CNTN4: variants seen among roughly 807,000 people sequenced by gnomAD.
CNTN4 encodes contactin 4.
CNTN4 carries 77 observed loss-of-function variants against 122.5 expected under a neutral mutation model. The ratio of observed to expected loss-of-function variants is 0.63; its 90% CI spans 0.52 to 0.76. The LOEUF is 0.76. Ranked by LOEUF, CNTN4 falls within the 30% of genes least tolerant of loss-of-function variation. The pLI is 0.00. For missense variants in CNTN4, 1,256 were observed against 1,259.1 expected (o/e 1.00, Z 0.04); for synonymous variants, 512 against 447.0 (o/e 1.15, Z -1.83).
intron 6 of CNTN4, among the ~76,000 whole-genome samples, chr3:2,779,905 T>C (rs1445398869): frequency 1.3e-5 from 2 of 152,268 alleles, no homozygotes; most frequent in African/African-American, 4.8e-5. Flanking sequence ...ATTAGTACAC[T>C]ATTGACTCTC....
intron 7 of CNTN4, among the ~76,000 whole-genome samples, chr3:2,840,684 G>A (rs1180590026): frequency 6.7e-6 from 1 of 149,844 alleles, no homozygotes; most frequent in Admixed American, 6.7e-5. Flanking sequence ...GGGCGACAGA[G>A]CGACACTCCG....
In CNTN4 at chr3:3,037,237, G is replaced by C. The variant is rs1458022026; in HGVS notation, c.2001G>C (p.Trp667Cys). Residue 667 changes from tryptophan to cysteine, a missense_variant, in exon 18 of 25, where the codon TGG becomes TGC. By Grantham distance (215) the Trp-to-Cys change is radical (BLOSUM62 -2). Coordinates refer to ENST00000418658, the MANE Select transcript of CNTN4 (RefSeq NM_175607.3). ...FTATVVGLNP[W>C]VEYEFRTVAA... ...CGACCGTGGTGGGTTTGAACCCTTGGGTTGAATATGAATTCCGCACAGTTG... is the reference window on the plus strand; with the variant it reads ...CGACCGTGGTGGGTTTGAACCCTTGCGTTGAATATGAATTCCGCACAGTTG... 5.0e-6 allele frequency: 8 copies of C among 1,614,042 alleles called. No homozygotes were observed. The highest frequency in any genetic ancestry group is 6.8e-6 in the Non-Finnish European group (8 of 1,180,038).
chr3:2,487,237 C>T (rs1053820146), intron 3 of CNTN4, among the ~76,000 whole-genome samples: 14 of 152,246 alleles, frequency 9.2e-5, no homozygotes, highest in Non-Finnish European at 1.8e-4. Flanking sequence ...TCATTTCTGA[C>T]CTTGATTCTT....
At chr3:2,370,007 T>C (rs1405880038) in intron 3 of CNTN4, among the ~76,000 whole-genome samples, 1 of 152,168 alleles carries the variant, frequency 6.6e-6, no homozygotes, top group Non-Finnish European at 1.5e-5. Context: ...CTGAACTCAT[T>C]GATAGTGCCG....
At chr3:2,352,620 C>T (rs1273757266) in intron 3 of CNTN4, among the ~76,000 whole-genome samples, 1 of 152,154 alleles carries the variant, frequency 6.6e-6, no homozygotes, top group Non-Finnish European at 1.5e-5. Context: ...CCTCTGCTGC[C>T]TCCCCTTGGT....
chr3:2,528,562 A>G (rs2077482728), intron 3 of CNTN4, among the ~76,000 whole-genome samples: 2 of 152,162 alleles, frequency 1.3e-5, no homozygotes, highest in South Asian at 2.1e-4. Flanking sequence ...AGATTGTACT[A>G]CTTTACTGAC....
chr3:3,020,327 C>CAGTT (rs1698174957), intron 14 of CNTN4, among the ~76,000 whole-genome samples: 1 of 152,136 alleles, frequency 6.6e-6, no homozygotes, highest in African/African-American at 2.4e-5. Flanking sequence ...GAAAGCTGAT[C>CAGTT]AGTTACAGGG....
chr3:2,134,114 C>A (rs66874548), intron 2 of CNTN4, among the ~76,000 whole-genome samples: 1 of 152,132 alleles, frequency 6.6e-6, no homozygotes, highest in African/African-American at 2.4e-5. Context: ...AATGTACCGA[C>A]CTCCATTAAG....
At chr3:2,232,350 T>G (rs2039518567) in intron 2 of CNTN4, among the ~76,000 whole-genome samples, 1 of 152,208 alleles carries the variant, frequency 6.6e-6, no homozygotes, top group Non-Finnish European at 1.5e-5. Context: ...GCTGCAAAGC[T>G]TAAGATCTTT....
chr3:2,133,759 A>G lies in CNTN4; in HGVS notation c.-145+33120A>G, dbSNP rs528618108. On this transcript the variant is annotated intron_variant, in intron 2 of 24. Coordinates refer to ENST00000418658, the MANE Select transcript of CNTN4 (RefSeq NM_175607.3). ...CTTGCAACTTGAATTGTTGTTAGGA[A>G]ATTACTTGTATGCCTGAGTTCATGA... Among the ~76,000 whole-genome samples the G allele has an allele frequency of 4.7e-5, 7 of 147,568 alleles. No individual in the cohort carries two copies. In the East Asian group the frequency reaches 6.2e-4, roughly 13 times the overall value.
chr3:2,352,701 C>T (rs2044684427), intron 3 of CNTN4, among the ~76,000 whole-genome samples: 1 of 152,214 alleles, frequency 6.6e-6, no homozygotes, highest in South Asian at 2.1e-4. Context: ...GCTGGAGCCT[C>T]TCCGACAGGT....
At chr3:2,302,939 G>A (rs1463857691) in intron 2 of CNTN4, among the ~76,000 whole-genome samples, 1 of 152,174 alleles carries the variant, frequency 6.6e-6, no homozygotes, top group African/African-American at 2.4e-5. Flanking sequence ...GATTCAATAT[G>A]TTTTGTATAA....
At chr3:2,948,883 C>A (rs533540538) in intron 13 of CNTN4, among the ~76,000 whole-genome samples, 3 of 152,192 alleles carry the variant, frequency 2.0e-5, no homozygotes, top group South Asian at 4.2e-4. Context: ...ATGTATTAGA[C>A]CATTTTTAAA....
At chr3:2,324,046 G>T (rs940996838) in intron 2 of CNTN4, among the ~76,000 whole-genome samples, 5 of 152,138 alleles carry the variant, frequency 3.3e-5, no homozygotes, top group African/African-American at 4.8e-5. Flanking sequence ...TTCATTATAG[G>T]ATATTTATCA....
At chr3:2,726,624 A>G (rs1181367943) in intron 4 of CNTN4, among the ~76,000 whole-genome samples, 1 of 152,182 alleles carries the variant, frequency 6.6e-6, no homozygotes, top group Non-Finnish European at 1.5e-5. Context: ...AATTTTATAC[A>G]TGTATGTTTC....
intron 2 of CNTN4, among the ~76,000 whole-genome samples, chr3:2,223,601 A>C (rs1471436401): frequency 6.6e-6 from 1 of 152,200 alleles, no homozygotes; most frequent in Non-Finnish European, 1.5e-5. Flanking sequence ...CTATTCTTAC[A>C]GAGGCCTGCT....
chr3:3,054,023 T>G, intron 24 of CNTN4, 48 bp downstream of exon 24: 1 of 1,595,804 alleles, frequency 6.3e-7, no homozygotes, highest in South Asian at 1.1e-5. Context: ...TCTTATCTTA[T>G]CAGCCTTCCA....
chr3:2,163,737 T>C (rs1033278317), intron 2 of CNTN4, among the ~76,000 whole-genome samples: 5 of 151,568 alleles, frequency 3.3e-5, no homozygotes, highest in African/African-American at 1.2e-4. Flanking sequence ...AATAAACATA[T>C]GAAAAAATGC....
intron 3 of CNTN4, among the ~76,000 whole-genome samples, chr3:2,500,820 A>G (rs563113592): frequency 4.1e-4 from 63 of 152,270 alleles, no homozygotes; most frequent in African/African-American, 1.5e-3. Flanking sequence ...TGTGCAGGCT[A>G]ATGAGTCTTT....
Sources: gnomAD v4.1 joint callset for allele counts (sites outside exome capture counted in the v4.1 genomes callset) on GRCh38, gnomAD v4.1.1 for gene constraint, MANE v1.5 for transcripts, NCBI Gene and HGNC (gene_info 2026-07-23, HGNC 2026-07-21) for gene names.